The following SUGCT variants were observed in gnomAD, a reference collection of about 807,000 sequenced individuals.
The protein encoded by SUGCT is succinyl-CoA:glutarate-CoA transferase.
Under a neutral mutation model 55.0 loss-of-function variants are expected in SUGCT, and 41 were observed. That is an observed-to-expected ratio of 0.74 (90% CI 0.58 to 0.97). SUGCT has a LOEUF of 0.97. SUGCT is among the 50% of genes least tolerant of loss of function. The pLI is 0.00. For synonymous variants in SUGCT, 187 were observed against 200.4 expected (o/e 0.93, Z 0.56); for missense variants, 568 against 547.8 (o/e 1.04, Z -0.37).
chr7:40,365,718 A>G, intron 9 of SUGCT, among the ~76,000 whole-genome samples: 1 of 152,026 alleles, frequency 6.6e-6, no homozygotes, highest in Non-Finnish European at 1.5e-5. Flanking sequence ...GATGTGAAGG[A>G]CCTCTTCAAG....
chr7:40,927,103 T>TA, the SUGCT span, among the ~76,000 whole-genome samples: 1 of 152,318 alleles, frequency 6.6e-6, no homozygotes, highest in East Asian at 1.9e-4. Flanking sequence ...AAGTATTATT[T>TA]AAAAACTTGT....
the SUGCT span, among the ~76,000 whole-genome samples, chr7:40,971,021 A>C: frequency 6.6e-6 from 1 of 152,190 alleles, no homozygotes; most frequent in Non-Finnish European, 1.5e-5. Flanking sequence ...CTATAAAGGA[A>C]TACCTGAGAC....
chr7:40,191,979 G>T (rs911567972), intron 5 of SUGCT, among the ~76,000 whole-genome samples: 13 of 152,028 alleles, frequency 8.6e-5, no homozygotes, highest in Non-Finnish European at 8.8e-5. Flanking sequence ...GTGTTGGTGC[G>T]TGCCTGTAGT....
At chr7:40,593,609 G>A (rs892064759) in intron 12 of SUGCT, among the ~76,000 whole-genome samples, 8 of 152,152 alleles carry the variant, frequency 5.3e-5, no homozygotes, top group Non-Finnish European at 1.2e-4. Flanking sequence ...GGGAGGCCGA[G>A]GAGGGCAGAT....
intron 9 of SUGCT, among the ~76,000 whole-genome samples, chr7:40,339,133 C>A (rs1350555138): frequency 6.6e-6 from 1 of 152,170 alleles, no homozygotes; most frequent in Non-Finnish European, 1.5e-5. Flanking sequence ...GGTACCCAGC[C>A]GTGTGAGGTG....
chr7:40,592,085 G>A (rs1210139040), intron 12 of SUGCT, among the ~76,000 whole-genome samples: 1 of 152,094 alleles, frequency 6.6e-6, no homozygotes. Flanking sequence ...TTTTTTTACT[G>A]TAGAAAGTGT....
At chr7:40,197,978 T>C (rs974887644) in intron 6 of SUGCT, among the ~76,000 whole-genome samples, 1 of 152,206 alleles carries the variant, frequency 6.6e-6, no homozygotes, top group Non-Finnish European at 1.5e-5. Context: ...TCTCAAATTC[T>C]GTATTAAAAT....
At chr7:40,610,645 G>C (rs1429284902) in intron 12 of SUGCT, among the ~76,000 whole-genome samples, 2 of 152,174 alleles carry the variant, frequency 1.3e-5, no homozygotes, top group African/African-American at 2.4e-5. Flanking sequence ...CTCCCCCTTG[G>C]AAACTGCATT....
chr7:40,704,212 T>C (rs11772576), intron 12 of SUGCT, among the ~76,000 whole-genome samples: 30,800 of 152,224 alleles, frequency 0.2, 3,273 homozygotes, highest in Non-Finnish European at 0.23. Flanking sequence ...ATAGGAACTA[T>C]TACTTGCTGG....
At chr7:40,221,711 G>A (rs142510717) in intron 6 of SUGCT, among the ~76,000 whole-genome samples, 2,127 of 151,944 alleles carry the variant, frequency 0.014, 32 homozygotes, top group South Asian at 0.025. Context: ...GGCTGGTCTT[G>A]AACTCCTGAC....
intron 12 of SUGCT, among the ~76,000 whole-genome samples, chr7:40,640,498 A>G (rs377318442): frequency 9.8e-4 from 149 of 152,340 alleles, no homozygotes; most frequent in South Asian, 9.5e-3. Flanking sequence ...AGACTCAGCC[A>G]CAGCTGTCCT....
intron 12 of SUGCT, among the ~76,000 whole-genome samples, chr7:40,606,275 A>T (rs1562895604): frequency 1.3e-5 from 2 of 152,236 alleles, no homozygotes; most frequent in Non-Finnish European, 2.9e-5. Flanking sequence ...GAAGCATTGA[A>T]GAAGACTGAA....
intron 9 of SUGCT, among the ~76,000 whole-genome samples, chr7:40,378,764 T>C (rs568416385): frequency 6.6e-6 from 1 of 152,344 alleles, no homozygotes; most frequent in African/African-American, 2.4e-5. Flanking sequence ...TGAACCACCA[T>C]GCCTGGCCTT....
intron 12 of SUGCT, chr7:40,499,107 A>G: frequency 2.2e-6 from 1 of 456,700 alleles, no homozygotes; most frequent in Non-Finnish European, 4.4e-6. Flanking sequence ...GTGGGAACGC[A>G]CCACTGGCGC....
intron 13 of SUGCT, among the ~76,000 whole-genome samples, chr7:40,827,092 G>A (rs1222424038): frequency 6.6e-6 from 1 of 152,152 alleles, no homozygotes; most frequent in Non-Finnish European, 1.5e-5. Flanking sequence ...GGAATCCTCT[G>A]TCATACAAAC....
intron 1 of SUGCT, among the ~76,000 whole-genome samples, chr7:40,137,735 C>T (rs189796654): frequency 1.3e-5 from 2 of 152,204 alleles, no homozygotes; most frequent in Non-Finnish European, 2.9e-5. Context: ...GGCTGGAGTG[C>T]AGTGGCGCAA....
At chr7:40,354,732 A>G (rs374360712) in intron 9 of SUGCT, among the ~76,000 whole-genome samples, 4 of 152,236 alleles carry the variant, frequency 2.6e-5, no homozygotes, top group African/African-American at 9.6e-5. Context: ...AATGCCAAAG[A>G]TTGGCAACTG....
intron 13 of SUGCT, among the ~76,000 whole-genome samples, chr7:40,854,864 A>C (rs1276441899): frequency 6.6e-6 from 1 of 151,986 alleles, no homozygotes; most frequent in Non-Finnish European, 1.5e-5. Context: ...TGAGCCCAGG[A>C]GCTCGAGGCC....
At chr7:40,139,737 A>G (rs970597539) in intron 1 of SUGCT, among the ~76,000 whole-genome samples, 2 of 152,002 alleles carry the variant, frequency 1.3e-5, no homozygotes, top group African/African-American at 2.4e-5. Context: ...TAGTTTAATG[A>G]AGTTCCATTT....
Sources: gnomAD v4.1 joint callset for allele counts (sites outside exome capture counted in the v4.1 genomes callset) on GRCh38, gnomAD v4.1.1 for gene constraint, MANE v1.5 for transcripts, NCBI Gene and HGNC (gene_info 2026-07-23, HGNC 2026-07-21) for gene names.